PRKAG2: variants seen among roughly 807,000 people sequenced by gnomAD.
PRKAG2 encodes the protein protein kinase AMP-activated non-catalytic subunit gamma 2, also known as 5'-AMP-activated protein kinase subunit gamma-2.
A neutral mutation model predicts 69.6 loss-of-function variants in PRKAG2; 26 were observed. That is an observed-to-expected ratio of 0.37 (90% CI 0.27 to 0.52). The LOEUF is 0.52. PRKAG2 is among the 20% of genes least tolerant of loss of function. PRKAG2 has a pLI of 0.90. For synonymous variants in PRKAG2, 293 were observed against 285.0 expected (o/e 1.03, Z -0.28); for missense variants, 557 against 740.0 (o/e 0.75, Z 2.87).
chr7:151,848,619 T>C (rs1423531851), intron 1 of PRKAG2, among the ~76,000 whole-genome samples: 2 of 133,504 alleles, frequency 1.5e-5, no homozygotes, highest in Non-Finnish European at 3.1e-5. Flanking sequence ...CCACCTCCCA[T>C]GTTCAAGCAA....
At chr7:151,571,234 GCTA>G (rs1224040908) in intron 9 of PRKAG2, among the ~76,000 whole-genome samples, 1 of 150,892 alleles carries the variant, frequency 6.6e-6, no homozygotes, top group African/African-American at 2.4e-5. Flanking sequence ...ACCACGCCTG[GCTA>G]CTTTTTTGTA....
At chr7:151,799,289 A>G (rs959259446) in intron 1 of PRKAG2, among the ~76,000 whole-genome samples, 29 of 152,212 alleles carry the variant, frequency 1.9e-4, no homozygotes, top group African/African-American at 6.8e-4. Context: ...GCAACTTCTA[A>G]CCAAGGTCCC....
At chr7:151,587,910 CCA>C (rs1388340555) in intron 6 of PRKAG2, among the ~76,000 whole-genome samples, 1 of 152,094 alleles carries the variant, frequency 6.6e-6, no homozygotes, top group African/African-American at 2.4e-5. Context: ...CAAATATAGA[CCA>C]CACTAACGCA....
At chr7:151,691,113 C>T (rs1214906298) in intron 3 of PRKAG2, among the ~76,000 whole-genome samples, 1 of 152,190 alleles carries the variant, frequency 6.6e-6, no homozygotes, top group East Asian at 1.9e-4. Flanking sequence ...GAACCCCTCT[C>T]AGGCACCAAA....
At chr7:151,872,550 T>G (rs2080242417) in intron 1 of PRKAG2, among the ~76,000 whole-genome samples, 1 of 151,804 alleles carries the variant, frequency 6.6e-6, no homozygotes, top group South Asian at 2.1e-4. Context: ...CATTAACGAG[T>G]GGGTTACACT....
intron 6 of PRKAG2, among the ~76,000 whole-genome samples, chr7:151,589,448 C>A (rs975734225): frequency 6.6e-6 from 1 of 152,178 alleles, no homozygotes; most frequent in African/African-American, 2.4e-5. Flanking sequence ...TGATGAGCTG[C>A]GTTTTTAAAA....
At chr7:151,652,872 G>A (rs1828773317) in intron 4 of PRKAG2, among the ~76,000 whole-genome samples, 1 of 152,078 alleles carries the variant, frequency 6.6e-6, no homozygotes, top group Non-Finnish European at 1.5e-5. Flanking sequence ...GCCCGCCTCA[G>A]CCTCCCAGAG....
At chr7:151,622,900 G>T (rs1585294730) in intron 5 of PRKAG2, among the ~76,000 whole-genome samples, 1 of 152,118 alleles carries the variant, frequency 6.6e-6, no homozygotes, top group East Asian at 1.9e-4. Flanking sequence ...TACATCCCAG[G>T]CCCTCTAATG....
intron 4 of PRKAG2, among the ~76,000 whole-genome samples, chr7:151,643,341 A>G (rs1827062280): frequency 6.6e-6 from 1 of 152,264 alleles, no homozygotes; most frequent in South Asian, 2.1e-4. Context: ...TGCAATGTAC[A>G]GAATGATATA....
chr7:151,741,965 TGCTGGTC>T (rs2073925698), intron 3 of PRKAG2, among the ~76,000 whole-genome samples: 1 of 152,172 alleles, frequency 6.6e-6, no homozygotes, highest in Non-Finnish European at 1.5e-5. Flanking sequence ...CCAGCTGGGG[TGCTGGTC>T]ACCTTACAGT....
chr7:151,716,108 T>C (rs10224210), intron 3 of PRKAG2, among the ~76,000 whole-genome samples: 31,609 of 152,118 alleles, frequency 0.21, 4,003 homozygotes, highest in Non-Finnish European at 0.29. Context: ...CTCTTTTCTC[T>C]TTGATAAGTG....
intron 4 of PRKAG2, among the ~76,000 whole-genome samples, chr7:151,650,452 C>T (rs903130195): frequency 5.3e-5 from 8 of 152,132 alleles, no homozygotes; most frequent in African/African-American, 1.4e-4. Flanking sequence ...CTAAATCCTA[C>T]CAAACTCAGC....
At chr7:151,660,970 C>T (rs1285528202) in intron 4 of PRKAG2, among the ~76,000 whole-genome samples, 37 of 152,236 alleles carry the variant, frequency 2.4e-4, no homozygotes, top group Admixed American at 2.4e-3. Flanking sequence ...TAGCATTAAG[C>T]ATGCTCACAC....
intron 4 of PRKAG2, among the ~76,000 whole-genome samples, chr7:151,658,080 C>T (rs1393677999): frequency 4.6e-5 from 7 of 151,534 alleles, no homozygotes; most frequent in Non-Finnish European, 8.8e-5. Context: ...ATGGCGTGAA[C>T]CCGGGAGGCG....
At chr7:151,816,509 C>T (rs1376194754) in intron 1 of PRKAG2, among the ~76,000 whole-genome samples, 1 of 152,190 alleles carries the variant, frequency 6.6e-6, no homozygotes, top group African/African-American at 2.4e-5. Flanking sequence ...ACTTGCTCTG[C>T]ACACCTCCCA....
chr7:151,840,780 C>T (rs928386763), intron 1 of PRKAG2, among the ~76,000 whole-genome samples: 6 of 152,236 alleles, frequency 3.9e-5, no homozygotes, highest in South Asian at 2.1e-4. Context: ...TACACCGGAG[C>T]GAGGAGCTGC....
chr7:151,615,081 AC>A (rs932748088), intron 5 of PRKAG2, among the ~76,000 whole-genome samples: 1 of 152,170 alleles, frequency 6.6e-6, no homozygotes, highest in Non-Finnish European at 1.5e-5. Flanking sequence ...TCCAGAGGGA[AC>A]CCCCAGAGAG....
At chr7:151,742,639 AT>A (rs1327160602) in intron 3 of PRKAG2, among the ~76,000 whole-genome samples, 13 of 152,154 alleles carry the variant, frequency 8.5e-5, no homozygotes, top group Admixed American at 2.6e-4. Flanking sequence ...AAAAAAAAAA[AT>A]AAAATAAAAT....
chr7:151,592,470 A>G (rs921067726), intron 6 of PRKAG2, among the ~76,000 whole-genome samples: 2 of 152,232 alleles, frequency 1.3e-5, no homozygotes, highest in African/African-American at 4.8e-5. Flanking sequence ...GCCAAGCCCG[A>G]GACTGCTCTT....
Sources: gnomAD v4.1 joint callset for allele counts (sites outside exome capture counted in the v4.1 genomes callset) on GRCh38, gnomAD v4.1.1 for gene constraint, MANE v1.5 for transcripts, NCBI Gene and HGNC (gene_info 2026-07-23, HGNC 2026-07-21) for gene names.